The following HLA-DQA1 variants were observed in gnomAD, a reference collection of about 807,000 sequenced individuals.
The protein encoded by HLA-DQA1 is HLA class II histocompatibility antigen, DQ alpha 1 chain.
Under a neutral mutation model 20.7 loss-of-function variants are expected in HLA-DQA1, and 10 were observed. The observed-to-expected ratio is 0.48, with a 90% CI of 0.30 to 0.82. The LOEUF (loss-of-function observed/expected upper bound fraction) is 0.82. HLA-DQA1 is among the 40% of genes least tolerant of loss of function. HLA-DQA1 has a pLI of 0.07. For missense variants in HLA-DQA1, 127 were observed against 293.0 expected, an observed-to-expected ratio of 0.43 and a Z score of 4.14; for synonymous variants, 39 against 109.2, an observed-to-expected ratio of 0.36 and a Z score of 4.01.
chr6:32,650,283 A>G (rs78285471), downstream of HLA-DQA1, among the ~76,000 whole-genome samples: 48,094 of 95,518 alleles, frequency 0.5, 20,636 homozygotes, highest in South Asian at 0.76. Context: ...GTGGAAAACA[A>G]TGTGGCGATT....
At chr6:32,647,196 G>C (rs1406091080), downstream of HLA-DQA1, 2 of 29,362 alleles carry the variant, frequency 6.8e-5, 1 homozygote, top group East Asian at 2.3e-3. Flanking sequence ...AGCCAGGCGC[G>C]GTGCCTCATG....
At chr6:32,651,408 C>T (rs1225571364), downstream of HLA-DQA1, among the ~76,000 whole-genome samples, 2 of 80,962 alleles carry the variant, frequency 2.5e-5, 1 homozygote, top group Non-Finnish European at 5.3e-5. Flanking sequence ...CACGGTGAAA[C>T]CCTGTCTCTA....
downstream of HLA-DQA1, chr6:32,644,957 G>A (rs1430357108): frequency 1.5e-5 from 2 of 134,472 alleles, 1 homozygote; most frequent in Non-Finnish European, 3.3e-5. Flanking sequence ...ACACAGACTG[G>A]GAATCAGTAA....
chr6:32,653,657 G>A, the HLA-DQA1 span, among the ~76,000 whole-genome samples: 1 of 107,454 alleles, frequency 9.3e-6, no homozygotes, highest in Non-Finnish European at 2.0e-5. Context: ...CATCTGCAAA[G>A]AAAATGCAAT....
intron 1 of HLA-DQA1, among the ~76,000 whole-genome samples, chr6:32,638,533 C>T (rs1781069149): frequency 1.0e-5 from 1 of 97,552 alleles, no homozygotes; most frequent in Non-Finnish European, 2.3e-5. Context: ...AAAAATTAGC[C>T]AGGCATGGTG....
chr6:32,641,815 C>G (rs562306116), intron 2 of HLA-DQA1, among the ~76,000 whole-genome samples, 157 bp from the exon 3 acceptor site: 2 of 109,766 alleles, frequency 1.8e-5, no homozygotes, highest in African/African-American at 3.2e-5. Flanking sequence ...AGGAATAAAG[C>G]AGAGGCAATG....
chr6:32,647,408 G>T (rs1782006171), downstream of HLA-DQA1, among the ~76,000 whole-genome samples: 2 of 96,612 alleles, frequency 2.1e-5, 1 homozygote, highest in South Asian at 6.2e-4. Context: ...GGCAGAGGTT[G>T]CAGTGAACTG....
rs1318392492 is a variant in HLA-DQA1 at position 32,638,163 on chromosome 6, T to A, written c.82+623T>A. On this transcript the variant is annotated intron_variant, in intron 1 of 4. Transcript: ENST00000343139. ...CACAAGTAATCAAATAAAATGGGCA[T>A]GTGGCTAAGCTTTGTAAATAGTGAA... is the stretch of plus-strand genomic sequence containing the variant. Among the ~76,000 whole-genome samples the A allele has an allele frequency of 3.4e-5, 4 of 119,212 alleles. 1 individual carries two copies. Among genetic ancestry groups the A allele is most frequent in the East Asian group, 4.9e-4 (2 of 4,114 alleles). The allele number at this position is 119,212 out of a possible 152,430, so 78.2% of individuals were successfully genotyped here. A position where few individuals can be genotyped will look rare whatever the true frequency, so the allele number is the denominator to read the frequency against.
At chr6:32,644,471 A>G (rs1361591100), downstream of HLA-DQA1, 2 of 152,074 alleles carry the variant, frequency 1.3e-5, no homozygotes, top group Non-Finnish European at 2.9e-5. Flanking sequence ...CTCATCCACA[A>G]TGTAGGAGTA....
chr6:32,644,931 G>A (rs1781789994), downstream of HLA-DQA1: 1 of 128,702 alleles, frequency 7.8e-6, no homozygotes, highest in Non-Finnish European at 1.7e-5. Flanking sequence ...ATAGTTCAAG[G>A]AGAAAATAAT....
chr6:32,650,974 A>G (rs1335655965), downstream of HLA-DQA1, among the ~76,000 whole-genome samples: 2 of 83,958 alleles, frequency 2.4e-5, no homozygotes, highest in Non-Finnish European at 5.1e-5. Flanking sequence ...GCTCACTGCA[A>G]GCTCCCTGGG....
chr6:32,646,865 C>CA (rs1554158124), downstream of HLA-DQA1: 2 of 37,618 alleles, frequency 5.3e-5, no homozygotes, highest in Admixed American at 3.7e-4. Flanking sequence ...AGCAACAATT[C>CA]AAGAGAGAGA....
chr6:32,654,519 A>AGG, the HLA-DQA1 span, among the ~76,000 whole-genome samples: 1 of 92,244 alleles, frequency 1.1e-5, no homozygotes, highest in African/African-American at 3.7e-5. Context: ...CCTCCCATAT[A>AGG]CTTTAAGCCA....
chr6:32,646,869 A>ACAGACAGAGT, downstream of HLA-DQA1: 1 of 65,102 alleles, frequency 1.5e-5, no homozygotes, highest in African/African-American at 5.0e-5. Flanking sequence ...ACAATTCAAG[A>ACAGACAGAGT]GAGAGAGAGA....
downstream of HLA-DQA1, among the ~76,000 whole-genome samples, chr6:32,651,966 A>G (rs555603223): frequency 1.0e-5 from 1 of 96,676 alleles, no homozygotes; most frequent in East Asian, 3.3e-4. Flanking sequence ...AAGGCCTTGA[A>G]GTTCTAATGG....
At position 32,642,256 on chromosome 6, in the gene HLA-DQA1, A is replaced by G. The variant is rs376024342; in HGVS notation, c.613+3A>G. The G allele has an allele frequency of 5.9e-6, 8 of 1,364,454 alleles. 1 individual carries two copies. The highest frequency in any genetic ancestry group is 7.1e-6 in the Non-Finnish European group (7 of 985,332). 84.5% of individuals were successfully genotyped at this position (1,364,454 alleles called of 1,614,324 possible). On this transcript the variant is annotated splice_donor_region_variant and intron_variant, in intron 3 of 4. Coordinates refer to ENST00000343139, the MANE Select transcript of HLA-DQA1 (RefSeq NM_002122.5). ...CCAGCCTCTTCTGAAACACTGGGGT[A>G]AGGATGAGTTTCATCATTTTTTGAT...
At chr6:32,651,477 G>C (rs1377865171), downstream of HLA-DQA1, among the ~76,000 whole-genome samples, 1 of 84,290 alleles carries the variant, frequency 1.2e-5, no homozygotes, top group African/African-American at 4.1e-5. Context: ...CCAGCTGCTC[G>C]GGAGGCTGAG....
At chr6:32,652,802 AG>A in the HLA-DQA1 span, among the ~76,000 whole-genome samples, 1 of 146,310 alleles carries the variant, frequency 6.8e-6, no homozygotes, top group Non-Finnish European at 1.5e-5. Flanking sequence ...GAAGTCACAA[AG>A]ATCACTACAT....
chr6:32,654,264 A>G, the HLA-DQA1 span, among the ~76,000 whole-genome samples: 2 of 92,052 alleles, frequency 2.2e-5, 1 homozygote, highest in African/African-American at 7.3e-5. Context: ...TGATCATACC[A>G]CTGCATTCCA....
Sources: allele counts gnomAD v4.1 joint callset (sites outside exome capture counted in the v4.1 genomes callset), GRCh38; gene constraint gnomAD v4.1.1; transcripts MANE v1.5; gene names NCBI Gene and HGNC (gene_info 2026-07-23, HGNC 2026-07-21).